SGK3: variants seen among roughly 807,000 people sequenced by gnomAD.
The protein encoded by SGK3 is serine/threonine-protein kinase Sgk3.
In SGK3, 47 loss-of-function variants were observed where a neutral mutation model predicts 68.5. That is an observed-to-expected ratio of 0.69 (90% confidence interval 0.54 to 0.87). SGK3 has a LOEUF of 0.87. Ranked by LOEUF, SGK3 falls within the 40% of genes least tolerant of loss-of-function variation. SGK3 has a pLI of 0.00. For missense variants in SGK3, 479 were observed against 575.5 expected, an observed-to-expected ratio of 0.83 and a Z score of 1.72; for synonymous variants, 181 against 189.1, an observed-to-expected ratio of 0.96 and a Z score of 0.35.
chr8:66,831,908 T>C (rs556077129), intron 8 of SGK3, among the ~76,000 whole-genome samples: 1 of 152,212 alleles, frequency 6.6e-6, no homozygotes, highest in South Asian at 2.1e-4. Context: ...ACATGGTTAC[T>C]ACCTTTGTGG....
In SGK3 at chr8:66,804,452, G is replaced by A. The variant is rs1243008014; in HGVS notation, c.253+5G>A. ...TTGGTGATAATTTTGATCCAGGTAA[G>A]AAACAACTTCATAGGCCAGCTATGA... On this transcript the variant is annotated splice_donor_5th_base_variant and intron_variant, in intron 4 of 16. Transcript: ENST00000521198. The A allele has an allele frequency of 6.2e-7, 1 of 1,612,174 alleles. No homozygotes were observed. The highest frequency in any genetic ancestry group is 1.7e-5 in the Admixed American group (1 of 59,982).
At chr8:66,815,892 A>G (rs1338480042) in intron 5 of SGK3, among the ~76,000 whole-genome samples, 1 of 152,226 alleles carries the variant, frequency 6.6e-6, no homozygotes, top group Non-Finnish European at 1.5e-5. Flanking sequence ...ACAGTTCTTG[A>G]GTGTACAATT....
intron 5 of SGK3, among the ~76,000 whole-genome samples, chr8:66,815,866 T>G (rs1256825378): frequency 6.6e-6 from 1 of 152,204 alleles, no homozygotes; most frequent in African/African-American, 2.4e-5. Context: ...TTCCAAAATC[T>G]TATACTGTGA....
chr8:66,814,365 A>G (rs1437976781), intron 5 of SGK3, among the ~76,000 whole-genome samples: 1 of 152,192 alleles, frequency 6.6e-6, no homozygotes, highest in Non-Finnish European at 1.5e-5. Flanking sequence ...GATAATTTTT[A>G]TGATAGAGGT....
chr8:66,836,104 A>G (rs962714203), intron 10 of SGK3, 30 bp downstream of exon 10: 1 of 1,583,984 alleles, frequency 6.3e-7, no homozygotes, highest in Non-Finnish European at 8.6e-7. Context: ...TTCTAATGTT[A>G]ATAGTTTAGA....
intron 1 of SGK3, among the ~76,000 whole-genome samples, chr8:66,770,572 C>G (rs1806476398): frequency 6.6e-6 from 1 of 152,102 alleles, no homozygotes; most frequent in Non-Finnish European, 1.5e-5. Flanking sequence ...AGGTAAGACT[C>G]TTCTTAGTAT....
chr8:66,813,477 G>T (rs1395349799), intron 4 of SGK3, among the ~76,000 whole-genome samples: 1 of 151,978 alleles, frequency 6.6e-6, no homozygotes. Context: ...TCAGTCATCA[G>T]TGTCATAGTG....
At chr8:66,855,930 T>C (rs1384687292) in intron 16 of SGK3, among the ~76,000 whole-genome samples, 1 of 152,232 alleles carries the variant, frequency 6.6e-6, no homozygotes, top group Non-Finnish European at 1.5e-5. Flanking sequence ...TCCTATGAGA[T>C]AGTACTGTAA....
At chr8:66,744,519 ATTTTTTTT>A (rs55684607) in intron 1 of SGK3, among the ~76,000 whole-genome samples, 1 of 21,270 alleles carries the variant, frequency 4.7e-5, no homozygotes, top group African/African-American at 1.7e-4. Context: ...ATATATATAT[ATTTTTTTT>A]TTTTTTTTTT....
At chr8:66,815,138 C>T (rs1808528475) in intron 5 of SGK3, among the ~76,000 whole-genome samples, 1 of 152,178 alleles carries the variant, frequency 6.6e-6, no homozygotes, top group Non-Finnish European at 1.5e-5. Flanking sequence ...TTCTTTATAG[C>T]TCACAGAGGC....
chr8:66,827,879 T>A (rs1208368355), intron 6 of SGK3, among the ~76,000 whole-genome samples: 1 of 152,070 alleles, frequency 6.6e-6, no homozygotes, highest in African/African-American at 2.4e-5. Context: ...ATCCCAGCAC[T>A]TTGGGAGGCT....
At chr8:66,828,042 T>C (rs1809135728) in intron 6 of SGK3, among the ~76,000 whole-genome samples, 1 of 150,508 alleles carries the variant, frequency 6.6e-6, no homozygotes, top group Non-Finnish European at 1.5e-5. Flanking sequence ...GAGAATGACG[T>C]GAAGCGGGGA....
At chr8:66,717,393 G>A (rs1348211481) in intron 1 of SGK3, among the ~76,000 whole-genome samples, 1 of 152,092 alleles carries the variant, frequency 6.6e-6, no homozygotes, top group African/African-American at 2.4e-5. Context: ...GCTGGGGATG[G>A]TGGCGCATGC....
chr8:66,785,476 T>C (rs1326553760), intron 1 of SGK3, among the ~76,000 whole-genome samples: 2 of 152,192 alleles, frequency 1.3e-5, no homozygotes, highest in Non-Finnish European at 2.9e-5. Flanking sequence ...CCTGTTGACG[T>C]TTTGGGTCAA....
chr8:66,785,999 C>T (rs989707752), intron 1 of SGK3, among the ~76,000 whole-genome samples: 1 of 152,182 alleles, frequency 6.6e-6, no homozygotes, highest in East Asian at 1.9e-4. Flanking sequence ...CAGTTTTAAT[C>T]CCCATGAATG....
intron 3 of SGK3, among the ~76,000 whole-genome samples, chr8:66,801,126 C>G (rs923451545): frequency 2.6e-5 from 4 of 152,144 alleles, no homozygotes; most frequent in Non-Finnish European, 5.9e-5. Flanking sequence ...TACTTGGAAC[C>G]AGAAGTGATT....
intron 8 of SGK3, among the ~76,000 whole-genome samples, chr8:66,832,738 CAA>C (rs745937597): frequency 3.6e-5 from 5 of 137,256 alleles, no homozygotes; most frequent in South Asian, 2.3e-4. Flanking sequence ...GACCCCATCT[CAA>C]AAAAAAAAAA....
intron 1 of SGK3, among the ~76,000 whole-genome samples, chr8:66,744,805 C>CT (rs111235370): frequency 0.053 from 7,530 of 142,688 alleles, 267 homozygotes; most frequent in African/African-American, 0.11. Flanking sequence ...CATGCCTAGC[C>CT]TTTTTTTTTT....
At chr8:66,855,689 G>C (rs1810482307) in intron 16 of SGK3, among the ~76,000 whole-genome samples, 1 of 152,102 alleles carries the variant, frequency 6.6e-6, no homozygotes, top group Admixed American at 6.6e-5. Context: ...ACAAAAGACA[G>C]AAAACATGAA....
Sources: allele counts gnomAD v4.1 joint callset (sites outside exome capture counted in the v4.1 genomes callset), GRCh38; gene constraint gnomAD v4.1.1; transcripts MANE v1.5; gene names NCBI Gene and HGNC (gene_info 2026-07-23, HGNC 2026-07-21).